Variants in MAML3 observed in about 807,000 individuals in gnomAD.
MAML3 encodes mastermind like transcriptional coactivator 3, also known as mastermind-like protein 3.
A neutral mutation model predicts 101.9 loss-of-function variants in MAML3; 27 were observed. That is an observed-to-expected ratio of 0.27 (90% CI 0.20 to 0.37). MAML3 has a LOEUF of 0.37. MAML3 is among the 10% of genes least tolerant of loss of function. MAML3 has a pLI of 1.00. For missense variants in MAML3, 1,316 were observed against 1,444.9 expected (o/e 0.91, Z 1.45); for synonymous variants, 501 against 555.9 (o/e 0.90, Z 1.39).
At chr4:140,050,545 AG>A (rs1358992566) in intron 1 of MAML3, among the ~76,000 whole-genome samples, 2 of 151,364 alleles carry the variant, frequency 1.3e-5, no homozygotes, top group African/African-American at 4.9e-5. Flanking sequence ...ACCGCCTCCC[AG>A]GTTCTCCAAA....
intron 2 of MAML3, among the ~76,000 whole-genome samples, chr4:139,850,205 C>A (rs1731521663): frequency 6.6e-6 from 1 of 152,210 alleles, no homozygotes; most frequent in Non-Finnish European, 1.5e-5. Context: ...GTTTCTATAT[C>A]ATTTTGTGTA....
intron 1 of MAML3, among the ~76,000 whole-genome samples, chr4:140,073,656 A>G (rs571113456): frequency 8.0e-4 from 122 of 152,306 alleles, no homozygotes; most frequent in African/African-American, 2.9e-3. Flanking sequence ...GGTGTATGTG[A>G]GTCAAGCAAC....
intron 1 of MAML3, among the ~76,000 whole-genome samples, chr4:139,912,085 T>C (rs980170747): frequency 2.6e-5 from 4 of 152,208 alleles, no homozygotes; most frequent in African/African-American, 4.8e-5. Context: ...GAATATTGGA[T>C]CTTATGGTAA....
chr4:139,763,465 C>T (rs1036295880), intron 2 of MAML3, among the ~76,000 whole-genome samples: 1 of 152,148 alleles, frequency 6.6e-6, no homozygotes, highest in East Asian at 1.9e-4. Flanking sequence ...TGTGAGTTCC[C>T]TGCACCAGGG....
intron 1 of MAML3, among the ~76,000 whole-genome samples, chr4:140,034,373 T>C (rs1726952560): frequency 6.6e-6 from 1 of 152,184 alleles, no homozygotes; most frequent in South Asian, 2.1e-4. Flanking sequence ...AATAAACCAT[T>C]GAAGTTTTGA....
chr4:140,123,273 T>A (rs544033551), intron 1 of MAML3, among the ~76,000 whole-genome samples: 1 of 152,234 alleles, frequency 6.6e-6, no homozygotes, highest in South Asian at 2.1e-4. Context: ...GAATAAACCA[T>A]AAAATTATTT....
chr4:140,003,986 TAGAA>T (rs1726392916), intron 1 of MAML3, among the ~76,000 whole-genome samples: 1 of 152,220 alleles, frequency 6.6e-6, no homozygotes, highest in African/African-American at 2.4e-5. Flanking sequence ...GAGAATCACT[TAGAA>T]AGCATTGTAA....
chr4:140,092,571 G>A (rs1290629774), intron 1 of MAML3, among the ~76,000 whole-genome samples: 1 of 152,098 alleles, frequency 6.6e-6, no homozygotes, highest in South Asian at 2.1e-4. Flanking sequence ...ACTCCCCGCC[G>A]CACTGCTCAC....
At chr4:139,834,477 C>T (rs899249297) in intron 2 of MAML3, among the ~76,000 whole-genome samples, 3 of 152,208 alleles carry the variant, frequency 2.0e-5, no homozygotes, top group African/African-American at 4.8e-5. Context: ...GGCCGGCCAG[C>T]GCCCTCTGTA....
chr4:139,864,719 A>G (rs972947139), intron 2 of MAML3, among the ~76,000 whole-genome samples: 3 of 148,162 alleles, frequency 2.0e-5, no homozygotes, highest in Admixed American at 2.0e-4. Flanking sequence ...ATCTTGAATG[A>G]TAAATTCCTG....
chr4:139,814,025 A>AACACACACACACACACACACACACAC (rs70943442), intron 2 of MAML3, among the ~76,000 whole-genome samples: 4 of 145,032 alleles, frequency 2.8e-5, no homozygotes, highest in East Asian at 2.0e-4. Context: ...CACAAACACA[A>AACACACACACACACACACACACACAC]ACACACACAC....
intron 1 of MAML3, among the ~76,000 whole-genome samples, chr4:139,948,446 C>T (rs1399755651): frequency 6.6e-6 from 1 of 152,190 alleles, no homozygotes; most frequent in Non-Finnish European, 1.5e-5. Flanking sequence ...AAACTGCTTC[C>T]AAGACATTTA....
chr4:139,860,013 G>A lies in MAML3; in HGVS notation c.2079+29344C>T, dbSNP rs146744903. Among the ~76,000 whole-genome samples, 845 of 152,330 alleles carry A rather than the reference G, an allele frequency of 5.5e-3. 10 individuals are homozygous for A. Among genetic ancestry groups the A allele is most frequent in the African/African-American group, 0.018 (754 of 41,576 alleles). The stretch of plus-strand genomic sequence containing the variant: ...GCTAGAGGAGCAGCCACCGAGCCTC[G>A]AGTACCCGGGGGCAGGCGCGGGCCT... On this transcript the variant is annotated intron_variant, in intron 2 of 4. Transcript: ENST00000509479.
chr4:140,052,308 G>A (rs1328046696), intron 1 of MAML3, among the ~76,000 whole-genome samples: 3 of 152,100 alleles, frequency 2.0e-5, no homozygotes, highest in African/African-American at 7.2e-5. Context: ...CCACTGCGGG[G>A]TAGCCAGCTA....
chr4:139,878,032 T>C (rs7674139), intron 2 of MAML3, among the ~76,000 whole-genome samples: 1,947 of 152,316 alleles, frequency 0.013, 49 homozygotes, highest in African/African-American at 0.044. Flanking sequence ...TGTGTCCAGA[T>C]AGACATTCTT....
chr4:139,814,270 AATTTGT>A (rs1291249980), intron 2 of MAML3, among the ~76,000 whole-genome samples: 7 of 152,212 alleles, frequency 4.6e-5, no homozygotes, highest in East Asian at 1.9e-4. Flanking sequence ...AGTAGCTAAA[AATTTGT>A]AAAGCTTTGG....
At chr4:139,954,369 T>G (rs1264188972) in intron 1 of MAML3, among the ~76,000 whole-genome samples, 3 of 152,236 alleles carry the variant, frequency 2.0e-5, no homozygotes, top group Non-Finnish European at 2.9e-5. Context: ...TCAAAAATAC[T>G]TCATTTTAAA....
rs187654170 is a variant in MAML3, at chr4:139,947,969, C to T, written c.469-57002G>A. Among the ~76,000 whole-genome samples, 917 of 151,998 alleles carry T rather than the reference C, an allele frequency of 6.0e-3. 5 individuals carry two copies. The highest frequency in any genetic ancestry group is 0.021 in the African/African-American group (879 of 41,482). On this transcript the variant is annotated intron_variant, in intron 1 of 4. Transcript: ENST00000509479. ...ATACAAAATTAGCCAGGTGTGGGGGCGCATGCCTGTAATCTCAGCTACTCG... is the reference window on the plus strand; with the variant it reads ...ATACAAAATTAGCCAGGTGTGGGGGTGCATGCCTGTAATCTCAGCTACTCG...
intron 1 of MAML3, among the ~76,000 whole-genome samples, chr4:140,147,128 T>C (rs1276036530): frequency 7.0e-5 from 2 of 28,664 alleles, no homozygotes; most frequent in East Asian, 9.7e-4. Flanking sequence ...TGAGACTCCA[T>C]CTCAAAAAAA....
Sources: gnomAD v4.1 joint callset for allele counts (sites outside exome capture counted in the v4.1 genomes callset) on GRCh38, gnomAD v4.1.1 for gene constraint, MANE v1.5 for transcripts, NCBI Gene and HGNC (gene_info 2026-07-23, HGNC 2026-07-21) for gene names.